The following TAFA5 variants were observed in gnomAD, a reference collection of about 807,000 sequenced individuals.
TAFA5 encodes chemokine-like protein TAFA-5.
Under a neutral mutation model 15.3 loss-of-function variants are expected in TAFA5, and 6 were observed. That is an observed-to-expected ratio of 0.39 (90% CI 0.21 to 0.77). The LOEUF (loss-of-function observed/expected upper bound fraction) is 0.77. Ranked by LOEUF, TAFA5 falls within the 30% of genes least tolerant of loss-of-function variation. TAFA5 has a pLI of 0.41. For missense variants in TAFA5, 161 were observed against 193.1 expected (o/e 0.83, Z 0.98); for synonymous variants, 103 against 80.7 (o/e 1.28, Z -1.48).
At chr22:48,491,711 C>G (rs959844800) in intron 1 of TAFA5, among the ~76,000 whole-genome samples, 2 of 152,224 alleles carry the variant, frequency 1.3e-5, no homozygotes, top group African/African-American at 4.8e-5. Flanking sequence ...GTTGTTCATC[C>G]GGACGGGCTC....
intron 2 of TAFA5, among the ~76,000 whole-genome samples, chr22:48,647,744 A>G (rs1278420363): frequency 3.3e-5 from 5 of 151,514 alleles, no homozygotes; most frequent in Non-Finnish European, 5.9e-5. Flanking sequence ...GTGCCAGTCC[A>G]GGCAGCCTTG....
Position 48,583,091 on chromosome 22 carries a change from C to G in TAFA5, c.113-63506C>G, listed in dbSNP as rs752585884. On this transcript the variant is annotated intron_variant, in intron 1 of 3. Coordinates refer to ENST00000402357, the MANE Select transcript of TAFA5 (RefSeq NM_001082967.3). ...CACACAAAATACACCACACACCCCA[C>G]ACACAAAATACACCACACGCCACAC... 8.7e-5 allele frequency among the ~76,000 whole-genome samples: 13 copies of G among 149,316 alleles called. No homozygotes were observed. The South Asian group carries it at 1.3e-3, about 15-fold the overall frequency.
intron 3 of TAFA5, among the ~76,000 whole-genome samples, chr22:48,716,983 C>G (rs747432668): frequency 6.6e-6 from 1 of 152,228 alleles, no homozygotes; most frequent in South Asian, 2.1e-4. Flanking sequence ...CCTGAAATAG[C>G]AGAAAATGAA....
intron 1 of TAFA5, among the ~76,000 whole-genome samples, chr22:48,616,748 C>A (rs989572839): frequency 2.6e-5 from 4 of 152,168 alleles, no homozygotes; most frequent in African/African-American, 9.7e-5. Context: ...GGGTCAGCAG[C>A]GAGATGGTGG....
At chr22:48,585,401 C>T (rs1382217724) in intron 1 of TAFA5, among the ~76,000 whole-genome samples, 1 of 148,752 alleles carries the variant, frequency 6.7e-6, no homozygotes, top group African/African-American at 2.5e-5. Flanking sequence ...CCACACACAC[C>T]ACACACCACA....
chr22:48,699,800 C>T (rs1025770517), intron 2 of TAFA5, among the ~76,000 whole-genome samples: 1 of 152,210 alleles, frequency 6.6e-6, no homozygotes, highest in African/African-American at 2.4e-5. Context: ...ATGTTCATTG[C>T]ATATTTACTG....
chr22:48,504,834 A>G (rs2147097875), intron 1 of TAFA5, among the ~76,000 whole-genome samples: 1 of 152,306 alleles, frequency 6.6e-6, no homozygotes, highest in African/African-American at 2.4e-5. Context: ...GATCCTTGCC[A>G]GCAGCAGCTG....
chr22:48,746,875 C>A (rs1338752131), intron 3 of TAFA5, among the ~76,000 whole-genome samples: 1 of 152,172 alleles, frequency 6.6e-6, no homozygotes, highest in African/African-American at 2.4e-5. Flanking sequence ...CTCCCCGTCC[C>A]ACCCCGGCAG....
At chr22:48,617,238 G>A (rs1047151814) in intron 1 of TAFA5, among the ~76,000 whole-genome samples, 1 of 115,152 alleles carries the variant, frequency 8.7e-6, no homozygotes, top group Non-Finnish European at 2.1e-5. Context: ...CCTGGGAAGA[G>A]GAGGCAAAAG....
At chr22:48,559,756 G>A (rs371010172) in intron 1 of TAFA5, among the ~76,000 whole-genome samples, 3 of 152,278 alleles carry the variant, frequency 2.0e-5, no homozygotes, top group South Asian at 2.1e-4. Flanking sequence ...CAGGAGGGGC[G>A]GCGGGGCCTG....
chr22:48,636,920 C>A (rs1926470732), intron 1 of TAFA5, among the ~76,000 whole-genome samples: 1 of 152,212 alleles, frequency 6.6e-6, no homozygotes, highest in South Asian at 2.1e-4. Flanking sequence ...AGGCGCGGGG[C>A]CCTGGGAGGC....
At chr22:48,589,114 C>G (rs764210123) in intron 1 of TAFA5, among the ~76,000 whole-genome samples, 1 of 152,238 alleles carries the variant, frequency 6.6e-6, no homozygotes, top group Non-Finnish European at 1.5e-5. Flanking sequence ...AATGCCTGCA[C>G]AGTGACAACT....
intron 3 of TAFA5, among the ~76,000 whole-genome samples, chr22:48,726,660 G>A (rs1320640084): frequency 6.6e-6 from 1 of 150,752 alleles, no homozygotes; most frequent in East Asian, 1.9e-4. Flanking sequence ...CTGGACAGGT[G>A]AACTACTTTA....
chr22:48,671,361 A>T (rs1416870834), intron 2 of TAFA5, among the ~76,000 whole-genome samples: 7 of 152,296 alleles, frequency 4.6e-5, no homozygotes, highest in African/African-American at 1.7e-4. Flanking sequence ...TGCTCAGGGC[A>T]TTTCTGACAT....
At chr22:48,676,258 C>T (rs1927968165) in intron 2 of TAFA5, among the ~76,000 whole-genome samples, 1 of 152,244 alleles carries the variant, frequency 6.6e-6, no homozygotes, top group South Asian at 2.1e-4. Flanking sequence ...ACCTGGGGTC[C>T]AGGTTCCATC....
chr22:48,523,228 G>C (rs1289131432), intron 1 of TAFA5, among the ~76,000 whole-genome samples: 1 of 152,214 alleles, frequency 6.6e-6, no homozygotes, highest in Non-Finnish European at 1.5e-5. Flanking sequence ...GGCACTTCGT[G>C]GCGCTTGGCT....
intron 2 of TAFA5, among the ~76,000 whole-genome samples, chr22:48,694,990 T>C (rs976034807): frequency 6.6e-6 from 1 of 151,900 alleles, no homozygotes; most frequent in East Asian, 1.9e-4. Flanking sequence ...AAACGTGCCC[T>C]GCAGAGATGG....
At position 48,650,966 on chromosome 22, in the gene TAFA5, G is replaced by A. The variant is rs80351432; in HGVS notation, c.262+4220G>A. Among the ~76,000 whole-genome samples the A allele has an allele frequency of 3.0e-3, 464 of 152,330 alleles. 13 individuals are homozygous for A. In the East Asian group the frequency reaches 0.061, roughly 20 times the overall value. The stretch of plus-strand genomic sequence containing the variant: ...CTGGGTCCCGCAGCCACCACAGCAC[G>A]GCACTGAGGACTGAGACCCTGTGTC... On this transcript the variant is annotated intron_variant, in intron 2 of 3. Transcript: ENST00000402357.
At chr22:48,504,616 G>C (rs1920976163) in intron 1 of TAFA5, among the ~76,000 whole-genome samples, 1 of 152,216 alleles carries the variant, frequency 6.6e-6, no homozygotes, top group Non-Finnish European at 1.5e-5. Flanking sequence ...ACTCCTGGGG[G>C]TGTGCTGAGG....
Sources: allele counts gnomAD v4.1 joint callset (sites outside exome capture counted in the v4.1 genomes callset), GRCh38; gene constraint gnomAD v4.1.1; transcripts MANE v1.5; gene names NCBI Gene and HGNC (gene_info 2026-07-23, HGNC 2026-07-21).